ADD1: variants seen among roughly 807,000 people sequenced by gnomAD.
ADD1 encodes adducin 1.
Under a neutral mutation model 80.5 loss-of-function variants are expected in ADD1, and 24 were observed. The observed-to-expected ratio is 0.30, with a 90% CI of 0.22 to 0.42. The LOEUF (loss-of-function observed/expected upper bound fraction) is 0.42. Ranked by LOEUF, ADD1 falls within the 10% of genes least tolerant of loss-of-function variation. The probability of loss-of-function intolerance (pLI) is 1.00; values close to 1 mark genes in which losing one functional copy is unlikely to be tolerated. For synonymous variants in ADD1, 373 were observed against 393.8 expected, an observed-to-expected ratio of 0.95 and a Z score of 0.63; for missense variants, 948 against 1,019.0, an observed-to-expected ratio of 0.93 and a Z score of 0.95.
intron 14 of ADD1, among the ~76,000 whole-genome samples, chr4:2,920,450 T>C (rs926932331): frequency 1.3e-5 from 2 of 152,170 alleles, no homozygotes; most frequent in Non-Finnish European, 2.9e-5. Flanking sequence ...CTCACTATTA[T>C]TGTGTGGGAG....
intron 14 of ADD1, among the ~76,000 whole-genome samples, chr4:2,921,546 T>C (rs1740046551): frequency 6.6e-6 from 1 of 152,218 alleles, no homozygotes; most frequent in African/African-American, 2.4e-5. Context: ...TAACCCAACC[T>C]TTCTCTCTGG....
In ADD1 at chr4:2,926,390, C is replaced by T; in HGVS notation, c.2047+278C>T. 1.4e-6 allele frequency: 1 copy of T among 702,374 alleles called. No homozygotes were observed. Among genetic ancestry groups the T allele is most frequent in the South Asian group, 1.5e-5 (1 of 66,610 alleles). 43.5% of individuals were successfully genotyped at this position (702,374 alleles called of 1,614,324 possible). ...CCACGTTGCCCATTGCTCGCACACT[C>T]CTCGTGCCGTGTTGTCATGCAGATG... On this transcript the variant is annotated intron_variant, in intron 15 of 15. Transcript: ENST00000683351. This position sits in a 1 kb window ranked among gnomAD's most constrained non-coding sequence, Gnocchi z 5.0.
At chr4:2,872,919 T>A (rs1033018917) in intron 1 of ADD1, among the ~76,000 whole-genome samples, 1 of 152,142 alleles carries the variant, frequency 6.6e-6, no homozygotes, top group Admixed American at 6.5e-5. Context: ...TAAGATACTA[T>A]GAAAAATGTT....
chr4:2,855,800 T>C (rs746620025), intron 1 of ADD1, among the ~76,000 whole-genome samples: 1 of 151,618 alleles, frequency 6.6e-6, no homozygotes, highest in Non-Finnish European at 1.5e-5. Flanking sequence ...TCCTGAGCTT[T>C]AGTGATCCTC....
rs766730823 is a variant in ADD1, at chr4:2,905,117, C to T, written c.1506+9C>T. 2 of 1,613,620 alleles carry T rather than the reference C, an allele frequency of 1.2e-6. No individual in the cohort carries two copies. The highest frequency in any genetic ancestry group is 3.3e-5 in the Admixed American group (2 of 60,008). On this transcript the variant is annotated intron_variant, in intron 10 of 15. Coordinates refer to ENST00000683351, the MANE Select transcript of ADD1 (RefSeq NM_001354761.2). ...GTATTACCAACTGCTTGGTCTGTGC[C>T]TACCTTACTGTTCATAGTTAGATGA...
chr4:2,923,387 T>A (rs188921192), intron 14 of ADD1, among the ~76,000 whole-genome samples: 2 of 152,200 alleles, frequency 1.3e-5, no homozygotes, highest in Non-Finnish European at 2.9e-5. Flanking sequence ...CTTGGCTAGA[T>A]GAGGGAGTTC....
chr4:2,881,428 A>C (rs1188852620), intron 2 of ADD1, among the ~76,000 whole-genome samples: 2 of 152,170 alleles, frequency 1.3e-5, no homozygotes, highest in African/African-American at 2.4e-5. Flanking sequence ...TATTTGCTGT[A>C]ATAAGGACTG....
chr4:2,879,824 C>T (rs1342525916), intron 2 of ADD1, among the ~76,000 whole-genome samples: 1 of 152,138 alleles, frequency 6.6e-6, no homozygotes, highest in Non-Finnish European at 1.5e-5. Flanking sequence ...AAGTGATTCT[C>T]CTGCCTCAGC....
intron 14 of ADD1, among the ~76,000 whole-genome samples, chr4:2,922,979 C>G (rs1161491443): frequency 6.6e-6 from 1 of 152,200 alleles, no homozygotes; most frequent in African/African-American, 2.4e-5. Flanking sequence ...ATGGTGGATG[C>G]CCCTCCCCCC....
chr4:2,888,612 T>A (rs996893422), intron 4 of ADD1, among the ~76,000 whole-genome samples: 3 of 151,208 alleles, frequency 2.0e-5, no homozygotes, highest in Non-Finnish European at 2.9e-5. Flanking sequence ...GAGATGGGGT[T>A]TCACCATGTT....
chr4:2,894,375 G>T (rs1467601368), intron 5 of ADD1, among the ~76,000 whole-genome samples: 3 of 151,856 alleles, frequency 2.0e-5, no homozygotes, highest in African/African-American at 7.3e-5. Context: ...TGGCCAACAT[G>T]GCGGTACCCC....
In ADD1 at chr4:2,926,237, C is replaced by G. The variant is rs540701397; in HGVS notation, c.2047+125C>G. 9.4e-6 allele frequency: 8 copies of G among 848,856 alleles called. No homozygotes were observed. The South Asian group carries it at 1.1e-4, about 12-fold the overall frequency. 52.6% of individuals were successfully genotyped at this position (848,856 alleles called of 1,614,324 possible). A position where few individuals can be genotyped will look rare whatever the true frequency, so the allele number is the denominator to read the frequency against. On this transcript the variant is annotated intron_variant, in intron 15 of 15. Transcript: ENST00000683351. This position sits in a 1 kb window ranked among gnomAD's most constrained non-coding sequence, Gnocchi z 5.0. The stretch of plus-strand genomic sequence containing the variant: ...GTGTGTGCTTGCATCAGCGCCAGGA[C>G]GTGACACCTTTCTCCTCCTATATTG...
intron 1 of ADD1, among the ~76,000 whole-genome samples, chr4:2,848,450 G>A (rs1726578523): frequency 1.3e-5 from 2 of 152,028 alleles, no homozygotes; most frequent in South Asian, 4.1e-4. Context: ...GCTTAAACAT[G>A]TTGAGCATAT....
chr4:2,852,198 C>CTTTCGTT (rs1491325452), intron 1 of ADD1, among the ~76,000 whole-genome samples: 9 of 76,652 alleles, frequency 1.2e-4, no homozygotes, highest in Non-Finnish European at 1.0e-4. Context: ...TTCTTTCTTT[C>CTTTCGTT]CTTTCTTTCC....
chr4:2,876,933 C>T (rs1472262352), intron 2 of ADD1, among the ~76,000 whole-genome samples: 1 of 147,678 alleles, frequency 6.8e-6, no homozygotes, highest in African/African-American at 2.5e-5. Context: ...AACCGGGAGG[C>T]GGAGGTTGCA....
intron 4 of ADD1, among the ~76,000 whole-genome samples, chr4:2,891,090 G>C (rs982209514): frequency 6.7e-5 from 10 of 150,272 alleles, no homozygotes; most frequent in Non-Finnish European, 1.2e-4. Context: ...TTTGGGACCA[G>C]CTTGGGCAAC....
intron 5 of ADD1, 113 bp downstream of exon 5, chr4:2,894,206 T>C (rs34585460): frequency 0.011 from 9,274 of 850,638 alleles, 124 homozygotes; most frequent in Middle Eastern, 0.047. Context: ...AGCCTATGTT[T>C]TATGTGGTGT....
chr4:2,847,628 A>ATG (rs1333214696), intron 1 of ADD1, among the ~76,000 whole-genome samples: 3 of 152,206 alleles, frequency 2.0e-5, no homozygotes, highest in Non-Finnish European at 4.4e-5. Context: ...AGTGTTGAGA[A>ATG]TGTGTGCCTG....
intron 6 of ADD1, among the ~76,000 whole-genome samples, chr4:2,896,292 T>G (rs1163906889): frequency 6.6e-6 from 1 of 151,572 alleles, no homozygotes; most frequent in Non-Finnish European, 1.5e-5. Flanking sequence ...CACTGCAACC[T>G]CTGCCCCTCG....
Sources: gnomAD v4.1 joint callset for allele counts (sites outside exome capture counted in the v4.1 genomes callset) on GRCh38, gnomAD v4.1.1 for gene constraint, Gnocchi (gnomAD v3.1) non-coding constraint, MANE v1.5 for transcripts, NCBI Gene and HGNC (gene_info 2026-07-23, HGNC 2026-07-21) for gene names.